SLC9A9: variants seen among roughly 807,000 people sequenced by gnomAD.
The protein encoded by SLC9A9 is sodium/hydrogen exchanger 9.
Under a neutral mutation model 77.8 loss-of-function variants are expected in SLC9A9, and 62 were observed. The ratio of observed to expected loss-of-function variants is 0.80; its 90% CI spans 0.65 to 0.98. SLC9A9 has a LOEUF of 0.98. Ranked by LOEUF, SLC9A9 falls within the 50% of genes least tolerant of loss-of-function variation. The pLI is 0.00. For synonymous variants in SLC9A9, 320 were observed against 283.5 expected (o/e 1.13, Z -1.29); for missense variants, 775 against 774.9 (o/e 1.00, Z 0.00).
chr3:143,398,881 A>T (rs567517100), intron 12 of SLC9A9, among the ~76,000 whole-genome samples: 11 of 152,308 alleles, frequency 7.2e-5, no homozygotes, highest in African/African-American at 2.4e-4. Context: ...ATCTCTACAA[A>T]TAACTGAAAC....
chr3:143,780,652 C>A (rs2007843034), intron 4 of SLC9A9, among the ~76,000 whole-genome samples: 1 of 152,172 alleles, frequency 6.6e-6, no homozygotes, highest in Admixed American at 6.6e-5. Flanking sequence ...AAGGGAGCCA[C>A]CATATGATGC....
chr3:143,635,198 C>T (rs1006353799), intron 6 of SLC9A9, among the ~76,000 whole-genome samples: 4 of 152,182 alleles, frequency 2.6e-5, no homozygotes, highest in African/African-American at 4.8e-5. Flanking sequence ...TGCTGGCTGT[C>T]GCTCCCTCTC....
chr3:143,307,013 C>T (rs551109351), intron 14 of SLC9A9, among the ~76,000 whole-genome samples: 99 of 152,270 alleles, frequency 6.5e-4, no homozygotes, highest in Non-Finnish European at 1.1e-3. Flanking sequence ...ACTCTCTGTC[C>T]GAGACACATT....
At chr3:143,412,525 T>G (rs975946292) in intron 12 of SLC9A9, among the ~76,000 whole-genome samples, 2 of 146,076 alleles carry the variant, frequency 1.4e-5, no homozygotes, top group African/African-American at 2.5e-5. Context: ...CTCCTCACAT[T>G]CCCCAGATCC....
At chr3:143,841,335 T>A (rs1427621282) in intron 1 of SLC9A9, among the ~76,000 whole-genome samples, 2 of 152,232 alleles carry the variant, frequency 1.3e-5, no homozygotes, top group African/African-American at 4.8e-5. Context: ...ACTTAATGTT[T>A]TATTACCTCA....
chr3:143,339,395 G>A (rs1369060868), intron 14 of SLC9A9, among the ~76,000 whole-genome samples: 4 of 152,268 alleles, frequency 2.6e-5, no homozygotes, highest in Non-Finnish European at 5.9e-5. Flanking sequence ...AAGAAATGCA[G>A]CTTCCGGCTC....
At chr3:143,404,354 T>TAGAGAC (rs2033930322) in intron 12 of SLC9A9, among the ~76,000 whole-genome samples, 1 of 152,052 alleles carries the variant, frequency 6.6e-6, no homozygotes, top group Admixed American at 6.6e-5. Context: ...GTATTTTTAG[T>TAGAGAC]AGAGACAGGT....
intron 9 of SLC9A9, among the ~76,000 whole-genome samples, chr3:143,499,423 G>A (rs2035891159): frequency 1.3e-5 from 2 of 151,902 alleles, no homozygotes; most frequent in South Asian, 4.2e-4. Flanking sequence ...CTTTTTCAAA[G>A]TTCCTTTTCT....
chr3:143,787,010 T>C (rs1418401605), intron 4 of SLC9A9, among the ~76,000 whole-genome samples: 1 of 152,126 alleles, frequency 6.6e-6, no homozygotes, highest in Non-Finnish European at 1.5e-5. Flanking sequence ...AATGAAAATA[T>C]AGTGGCTCTG....
chr3:143,531,299 C>A (rs2036506500), intron 9 of SLC9A9, among the ~76,000 whole-genome samples: 1 of 152,162 alleles, frequency 6.6e-6, no homozygotes, highest in African/African-American at 2.4e-5. Context: ...CCCAAATTTC[C>A]TTTATCCTGA....
chr3:143,707,582 T>A (rs1934018721), intron 4 of SLC9A9, among the ~76,000 whole-genome samples: 1 of 152,190 alleles, frequency 6.6e-6, no homozygotes, highest in Non-Finnish European at 1.5e-5. Context: ...TCATTGTTCC[T>A]GATAAAATGT....
intron 12 of SLC9A9, among the ~76,000 whole-genome samples, chr3:143,456,441 G>A (rs2035093353): frequency 6.6e-6 from 1 of 152,038 alleles, no homozygotes. Flanking sequence ...TTCTGCTTCT[G>A]TTTCTTGGAA....
chr3:143,343,324 C>A (rs1290458129), intron 14 of SLC9A9: 1 of 152,016 alleles, frequency 6.6e-6, no homozygotes, highest in Non-Finnish European at 1.5e-5. Context: ...GGAGGGCATT[C>A]TTTTAAACAT....
At chr3:143,725,908 A>G (rs940077817) in intron 4 of SLC9A9, among the ~76,000 whole-genome samples, 1 of 150,806 alleles carries the variant, frequency 6.6e-6, no homozygotes, top group African/African-American at 2.4e-5. Context: ...AAAGAAAAAA[A>G]TGATCCTTTG....
chr3:143,446,876 ATGTGTG>A (rs60912550), intron 12 of SLC9A9, among the ~76,000 whole-genome samples: 201 of 148,614 alleles, frequency 1.4e-3, no homozygotes, highest in African/African-American at 3.9e-3. Context: ...GTAGGTGTGT[ATGTGTG>A]TGTGTGTGTG....
chr3:143,462,349 G>C (rs549455084), intron 12 of SLC9A9, among the ~76,000 whole-genome samples: 2 of 152,030 alleles, frequency 1.3e-5, no homozygotes, highest in Non-Finnish European at 2.9e-5. Flanking sequence ...CTCCACCCTC[G>C]GTGAGAGAGC....
At chr3:143,338,467 G>A (rs1243648781) in intron 14 of SLC9A9, among the ~76,000 whole-genome samples, 1 of 152,182 alleles carries the variant, frequency 6.6e-6, no homozygotes, top group African/African-American at 2.4e-5. Context: ...AGCAGTAAGC[G>A]AGAGAGCTAG....
At chr3:143,319,364 C>T (rs548244862) in intron 14 of SLC9A9, among the ~76,000 whole-genome samples, 40 of 152,322 alleles carry the variant, frequency 2.6e-4, no homozygotes, top group African/African-American at 8.4e-4. Context: ...TTTCTATCTG[C>T]AAACAGTAGC....
chr3:143,493,797 G>C, intron 10 of SLC9A9, 33 bp from the exon 11 acceptor site: 1 of 1,469,792 alleles, frequency 6.8e-7, no homozygotes, highest in Admixed American at 1.7e-5. Flanking sequence ...ATTGAGGAAA[G>C]TGTTGCTGCA....
Sources: gnomAD v4.1 joint callset for allele counts (sites outside exome capture counted in the v4.1 genomes callset) on GRCh38, gnomAD v4.1.1 for gene constraint, MANE v1.5 for transcripts, NCBI Gene and HGNC (gene_info 2026-07-23, HGNC 2026-07-21) for gene names.